The following MAPKAPK2 variants were observed in gnomAD, a reference collection of about 807,000 sequenced individuals.
MAPKAPK2 encodes the protein MAPK activated protein kinase 2, also known as MAP kinase-activated protein kinase 2.
In MAPKAPK2, 9 loss-of-function variants were observed where a neutral mutation model predicts 48.8. The ratio of observed to expected loss-of-function variants is 0.18; its 90% CI spans 0.11 to 0.32. MAPKAPK2 has a LOEUF of 0.32. MAPKAPK2 is among the 10% of genes least tolerant of loss of function. The pLI is 1.00. For missense variants in MAPKAPK2, 331 were observed against 498.3 expected (o/e 0.66, Z 3.20); for synonymous variants, 202 against 190.6 (o/e 1.06, Z -0.49).
intron 1 of MAPKAPK2, among the ~76,000 whole-genome samples, chr1:206,686,471 G>A (rs1333920716): frequency 6.6e-6 from 1 of 152,230 alleles, no homozygotes; most frequent in Non-Finnish European, 1.5e-5. Context: ...TGGGTCCGCA[G>A]TGAAGTGTGA....
chr1:206,695,714 CT>C, intron 1 of MAPKAPK2: 1 of 265,994 alleles, frequency 3.8e-6, no homozygotes, highest in Admixed American at 5.0e-5. Context: ...ACACTCTTAC[CT>C]TTTATTTCTC....
chr1:206,726,167 T>C (rs1161730803), intron 1 of MAPKAPK2, among the ~76,000 whole-genome samples: 1 of 152,180 alleles, frequency 6.6e-6, no homozygotes, highest in Admixed American at 6.5e-5. Context: ...GGGGTATCAC[T>C]TGAGACCAGG....
At position 206,724,549 on chromosome 1, in the gene MAPKAPK2, C is replaced by CTT. The variant is rs11405091; in HGVS notation, c.280-4145_280-4144dup. On this transcript the variant is annotated intron_variant, in intron 1 of 9. Transcript: ENST00000367103. ...CCTGGATGGATGTCAATGACCAGTC[C>CTT]TTTTTTTTTTTTTTTTTGTTAAATT... Among the ~76,000 whole-genome samples, 691 of 134,464 alleles carry CTT rather than the reference C, an allele frequency of 5.1e-3. 5 individuals are homozygous for CTT. The highest frequency in any genetic ancestry group is 0.012 in the African/African-American group (423 of 36,568). 88.2% of individuals were successfully genotyped at this position (134,464 alleles called of 152,430 possible). A position where few individuals can be genotyped will look rare whatever the true frequency, so the allele number is the denominator to read the frequency against.
At chr1:206,710,341 GTTCAC>G (rs1673100049) in intron 1 of MAPKAPK2, among the ~76,000 whole-genome samples, 1 of 152,196 alleles carries the variant, frequency 6.6e-6, no homozygotes, top group African/African-American at 2.4e-5. Context: ...CTGCCTATCT[GTTCAC>G]TTCACACGCA....
intron 1 of MAPKAPK2, among the ~76,000 whole-genome samples, chr1:206,710,959 A>T (rs1382041221): frequency 6.6e-6 from 1 of 152,210 alleles, no homozygotes; most frequent in East Asian, 1.9e-4. Flanking sequence ...TCATTTCCTT[A>T]TTTATAATTT....
intron 1 of MAPKAPK2, among the ~76,000 whole-genome samples, chr1:206,728,407 C>A (rs1673779047): frequency 6.6e-6 from 1 of 152,156 alleles, no homozygotes; most frequent in African/African-American, 2.4e-5. Context: ...TACCTGAGTG[C>A]TGCCTGCCTT....
At chr1:206,725,407 C>T (rs1243195349) in intron 1 of MAPKAPK2, among the ~76,000 whole-genome samples, 2 of 152,148 alleles carry the variant, frequency 1.3e-5, no homozygotes, top group African/African-American at 2.4e-5. Flanking sequence ...TCCACATGCT[C>T]CAAGCTCAAC....
Position 206,732,904 on chromosome 1 carries a change from G to A in MAPKAPK2, c.*186G>A. ...CACCCCAGAGTGGGAGAGGCTGGGAGGTTGGGAGGCTGTGGAGAGAAGTGA... is the reference window on the plus strand; with the variant it reads ...CACCCCAGAGTGGGAGAGGCTGGGAAGTTGGGAGGCTGTGGAGAGAAGTGA... On this transcript the variant is annotated 3_prime_UTR_variant, in exon 10 of 10. Transcript: ENST00000367103. This position sits in a 1 kb window ranked among gnomAD's most constrained non-coding sequence, Gnocchi z 4.4. 1 of 651,994 alleles carries A rather than the reference G, an allele frequency of 1.5e-6. No individual in the cohort carries two copies. Among genetic ancestry groups the A allele is most frequent in the East Asian group, 2.9e-5 (1 of 35,078 alleles). The allele number at this position is 651,994 out of a possible 1,614,324, so 40.4% of individuals were successfully genotyped here. A position where few individuals can be genotyped will look rare whatever the true frequency, so the allele number is the denominator to read the frequency against.
chr1:206,714,725 AT>A (rs1673271727), intron 1 of MAPKAPK2, among the ~76,000 whole-genome samples: 1 of 143,418 alleles, frequency 7.0e-6, no homozygotes, highest in Non-Finnish European at 1.5e-5. Context: ...AGATCACACC[AT>A]TGCACTCCAG....
At chr1:206,687,856 C>T (rs1672332628) in intron 1 of MAPKAPK2, among the ~76,000 whole-genome samples, 1 of 152,198 alleles carries the variant, frequency 6.6e-6, no homozygotes, top group South Asian at 2.1e-4. Context: ...CTACAGTGTG[C>T]CGAGGCCAAT....
rs187460762 is a variant in MAPKAPK2 at position 206,705,564 on chromosome 1, G to A, written c.279+20056G>A. Among the ~76,000 whole-genome samples, 8 of 152,268 alleles carry A rather than the reference G, an allele frequency of 5.3e-5. 1 individual carries two copies. The South Asian group carries it at 1.2e-3, about 24-fold the overall frequency. On this transcript the variant is annotated intron_variant, in intron 1 of 9. Coordinates refer to ENST00000367103, the MANE Select transcript of MAPKAPK2 (RefSeq NM_032960.4). The stretch of plus-strand genomic sequence containing the variant: ...CTTATCTCTCTGCCTTCTCCTTTCC[G>A]ATGGGTGCAATTGTGTTGACTCTTG...
chr1:206,732,258 T>C lies in MAPKAPK2; in HGVS notation c.1060-317T>C. The C allele has an allele frequency of 1.4e-6, 2 of 1,478,260 alleles. No homozygotes were observed. Among genetic ancestry groups the C allele is most frequent in the Non-Finnish European group, 9.0e-7 (1 of 1,111,990 alleles). The allele number at this position is 1,478,260 out of a possible 1,614,324, so 91.6% of individuals were successfully genotyped here. A position where few individuals can be genotyped will look rare whatever the true frequency, so the allele number is the denominator to read the frequency against. The stretch of plus-strand genomic sequence containing the variant: ...GGCAGTCTGCTCAAGGTCACGCAGC[T>C]GGTGACTGGTTGGGGCAGACCGGAC... On this transcript the variant is annotated intron_variant, in intron 9 of 9. Coordinates refer to ENST00000367103, the MANE Select transcript of MAPKAPK2 (RefSeq NM_032960.4). The surrounding 1 kb of genome is among the most constrained non-coding windows in gnomAD (Gnocchi z 4.4).
intron 1 of MAPKAPK2, among the ~76,000 whole-genome samples, chr1:206,722,156 C>T (rs1160830024): frequency 1.3e-4 from 19 of 151,398 alleles, no homozygotes; most frequent in Admixed American, 9.9e-4. Context: ...GTCAGGAGAT[C>T]GAGACCATCC....
At chr1:206,691,724 G>A (rs1206026741) in intron 1 of MAPKAPK2, among the ~76,000 whole-genome samples, 1 of 152,076 alleles carries the variant, frequency 6.6e-6, no homozygotes, top group Non-Finnish European at 1.5e-5. Context: ...GGGTGAGGCA[G>A]TAGAAGGCGG....
At chr1:206,697,496 G>T (rs559233087) in intron 1 of MAPKAPK2, among the ~76,000 whole-genome samples, 21 of 152,166 alleles carry the variant, frequency 1.4e-4, no homozygotes, top group African/African-American at 4.8e-4. Flanking sequence ...GAAGTTGAAG[G>T]GGGAGCAGGC....
At position 206,729,440 on chromosome 1, in the gene MAPKAPK2, C is replaced by T. The variant is rs781995165; in HGVS notation, c.529C>T (p.Leu177=). The T allele has an allele frequency of 1.2e-6, 2 of 1,614,208 alleles. No homozygotes were observed. The change falls in exon 4 of 10, where the codon CTG becomes TTG. Residue 177 remains leucine (L), a synonymous_variant. Coordinates refer to ENST00000367103, the MANE Select transcript of MAPKAPK2 (RefSeq NM_032960.4). ...GAGCATCGGTGAGGCCATCCAGTAT[C>T]TGCATTCAATCAACATTGCCCATCG... The part of the protein sequence containing the change: ...MKSIGEAIQY[L]HSINIAHRDV...
In MAPKAPK2 at chr1:206,696,171, G is replaced by T. The variant is rs1360770663; in HGVS notation, c.279+10663G>T. On this transcript the variant is annotated intron_variant, in intron 1 of 9. Coordinates refer to ENST00000367103, the MANE Select transcript of MAPKAPK2 (RefSeq NM_032960.4). The stretch of plus-strand genomic sequence containing the variant: ...CAAAAGTGTCATTGAAGGATGCAAA[G>T]ATATGGCAGACACCAAATACATTCT... 5 of 1,566,564 alleles carry T rather than the reference G, an allele frequency of 3.2e-6. No homozygotes were observed. The South Asian group carries it at 4.4e-5, about 14-fold the overall frequency.
At chr1:206,687,872 G>A (rs1672334140) in intron 1 of MAPKAPK2, among the ~76,000 whole-genome samples, 1 of 152,216 alleles carries the variant, frequency 6.6e-6, no homozygotes, top group East Asian at 1.9e-4. Flanking sequence ...CCAATGCTGG[G>A]GGCTAGGGCA....
At chr1:206,725,811 T>C (rs1459105657) in intron 1 of MAPKAPK2, among the ~76,000 whole-genome samples, 3 of 152,138 alleles carry the variant, frequency 2.0e-5, no homozygotes, top group African/African-American at 7.2e-5. Context: ...TTGTTCCTCC[T>C]GAACCCTTTG....
Sources: allele counts gnomAD v4.1 joint callset (sites outside exome capture counted in the v4.1 genomes callset), GRCh38; gene constraint gnomAD v4.1.1; non-coding constraint Gnocchi (gnomAD v3.1); transcripts MANE v1.5; gene names NCBI Gene and HGNC (gene_info 2026-07-23, HGNC 2026-07-21).